Variants in DTHD1 observed in about 807,000 individuals in gnomAD.
DTHD1 encodes death domain-containing protein 1.
Under a neutral mutation model 74.8 loss-of-function variants are expected in DTHD1, and 59 were observed. The ratio of observed to expected loss-of-function variants is 0.79; its 90% CI spans 0.64 to 0.98. The LOEUF (loss-of-function observed/expected upper bound fraction) is 0.98. DTHD1 is among the 50% of genes least tolerant of loss of function. DTHD1 has a pLI of 0.00. For synonymous variants in DTHD1, 365 were observed against 371.1 expected (o/e 0.98, Z 0.19); for missense variants, 1,051 against 1,065.4 (o/e 0.99, Z 0.19).
chr4:36,326,864 C>G (rs1384219170), intron 8 of DTHD1, among the ~76,000 whole-genome samples: 1 of 152,122 alleles, frequency 6.6e-6, no homozygotes, highest in Admixed American at 6.5e-5. Flanking sequence ...GTGTGGCTGT[C>G]CAGGCCTTTC....
At chr4:36,329,924 T>C (rs1560815755) in intron 8 of DTHD1, among the ~76,000 whole-genome samples, 1 of 152,240 alleles carries the variant, frequency 6.6e-6, no homozygotes, top group African/African-American at 2.4e-5. Flanking sequence ...CTAGTATTTA[T>C]ATAGATGAAA....
intron 2 of DTHD1, among the ~76,000 whole-genome samples, chr4:36,289,626 AAGC>A (rs1264457177): frequency 6.6e-6 from 1 of 152,156 alleles, no homozygotes; most frequent in Non-Finnish European, 1.5e-5. Context: ...ACTTAATAGA[AAGC>A]AGCAAAATAT....
intron 9 of DTHD1, among the ~76,000 whole-genome samples, chr4:36,339,578 C>A (rs373896082): frequency 6.6e-6 from 1 of 152,086 alleles, no homozygotes. Flanking sequence ...TGATATGAAA[C>A]CATAAGAAAC....
Position 36,308,504 on chromosome 4 carries a change from A to G in DTHD1, c.2095+11A>G. 1 of 1,535,352 alleles carries G rather than the reference A, an allele frequency of 6.5e-7. No individual in the cohort carries two copies. The highest frequency in any genetic ancestry group is 8.8e-7 in the Non-Finnish European group (1 of 1,139,366). ...ACATATTTGCTTCAAGTAAGTATAA[A>G]GAAATCTTTTTATATATTTTATTGG... On this transcript the variant is annotated intron_variant, in intron 7 of 9. Coordinates refer to ENST00000639862, the MANE Select transcript of DTHD1 (RefSeq NM_001170700.3).
At chr4:36,307,776 A>C (rs1757145110) in intron 6 of DTHD1, among the ~76,000 whole-genome samples, 1 of 152,228 alleles carries the variant, frequency 6.6e-6, no homozygotes, top group African/African-American at 2.4e-5. Context: ...TATCACTTAA[A>C]ATATGCTGCC....
intron 5 of DTHD1, among the ~76,000 whole-genome samples, chr4:36,298,415 T>C (rs988416412): frequency 9.9e-5 from 15 of 152,210 alleles, no homozygotes; most frequent in Non-Finnish European, 1.9e-4. Flanking sequence ...GTTAAATTGA[T>C]ACATTACAAT....
intron 9 of DTHD1, 118 bp from the exon 10 acceptor site, chr4:36,343,384 C>T: frequency 3.1e-6 from 3 of 967,280 alleles, no homozygotes; most frequent in Non-Finnish European, 4.5e-6. Flanking sequence ...TATCTCTGCA[C>T]TGCTCCAAGG....
At chr4:36,335,633 TATTGA>T (rs969827091) in intron 8 of DTHD1, among the ~76,000 whole-genome samples, 1 of 152,206 alleles carries the variant, frequency 6.6e-6, no homozygotes, top group African/African-American at 2.4e-5. Context: ...ACGTTAAGTC[TATTGA>T]GTAAAGGGAA....
chr4:36,338,944 A>G (rs1759160859), intron 8 of DTHD1, among the ~76,000 whole-genome samples, 168 bp from the exon 9 acceptor site: 1 of 152,224 alleles, frequency 6.6e-6, no homozygotes, highest in Non-Finnish European at 1.5e-5. Context: ...GCTTTATCTT[A>G]GGAAAACAAT....
chr4:36,322,506 C>T (rs1237151633), intron 8 of DTHD1, among the ~76,000 whole-genome samples: 1 of 152,074 alleles, frequency 6.6e-6, no homozygotes, highest in Non-Finnish European at 1.5e-5. Flanking sequence ...AGACCAGAAC[C>T]TTCCTGTATG....
At chr4:36,311,242 T>C (rs1185799172) in intron 7 of DTHD1, 1 of 152,176 alleles carries the variant, frequency 6.6e-6, no homozygotes, top group Non-Finnish European at 1.5e-5. Flanking sequence ...GCAGGCAGGA[T>C]ACCCAGATCC....
At chr4:36,284,635 T>G in intron 2 of DTHD1, 44 bp downstream of exon 2, 1 of 1,360,640 alleles carries the variant, frequency 7.3e-7, no homozygotes, top group East Asian at 2.5e-5. Flanking sequence ...TGCCTACTTA[T>G]ATGTGTGTTT....
intron 9 of DTHD1, among the ~76,000 whole-genome samples, chr4:36,341,963 G>T (rs1161000763): frequency 1.3e-5 from 2 of 152,182 alleles, no homozygotes; most frequent in Non-Finnish European, 2.9e-5. Flanking sequence ...AATATTAAGG[G>T]GCTAAAGCCA....
intron 2 of DTHD1, among the ~76,000 whole-genome samples, chr4:36,285,545 T>C (rs1464515553): frequency 6.6e-6 from 1 of 152,102 alleles, no homozygotes; most frequent in South Asian, 2.1e-4. Flanking sequence ...TTATAAATTT[T>C]CTCTCCTGTG....
rs144476768 is a variant in DTHD1 at position 36,314,294 on chromosome 4, G to A, written c.2096-1948G>A. ...GAAGTCTTTGTTCACTGGGCAAAAT[G>A]GAAAGTTTTCCATGAGGGAGAACTC... On this transcript the variant is annotated intron_variant, in intron 7 of 9. Transcript: ENST00000639862. Among the ~76,000 whole-genome samples the A allele has an allele frequency of 6.0e-4, 92 of 152,132 alleles. No homozygotes were observed. In the Middle Eastern group the frequency reaches 0.014, roughly 22 times the overall value.
chr4:36,310,008 A>G (rs916199877), intron 7 of DTHD1, among the ~76,000 whole-genome samples: 1 of 152,138 alleles, frequency 6.6e-6, no homozygotes, highest in Admixed American at 6.5e-5. Context: ...AGTTGCATCC[A>G]TTTTGTTGCA....
intron 2 of DTHD1, among the ~76,000 whole-genome samples, chr4:36,287,174 T>C (rs567642273): frequency 2.6e-5 from 4 of 152,334 alleles, no homozygotes; most frequent in African/African-American, 9.6e-5. Flanking sequence ...GTATCATTTT[T>C]ATGCCTTTGC....
intron 5 of DTHD1, among the ~76,000 whole-genome samples, chr4:36,297,549 A>G (rs1560792182): frequency 6.6e-6 from 1 of 151,916 alleles, no homozygotes. Context: ...CTTCTTGACT[A>G]TTTTCTTGAG....
intron 2 of DTHD1, 21 bp from the exon 3 acceptor site, chr4:36,290,352 A>T (rs1755990396): frequency 6.5e-7 from 1 of 1,527,168 alleles, no homozygotes; most frequent in African/African-American, 1.4e-5. Flanking sequence ...TGGAAAAATG[A>T]CATTCTTTTT....
Sources: allele counts gnomAD v4.1 joint callset (sites outside exome capture counted in the v4.1 genomes callset), GRCh38; gene constraint gnomAD v4.1.1; transcripts MANE v1.5; gene names NCBI Gene and HGNC (gene_info 2026-07-23, HGNC 2026-07-21).